The following GLI2 variants were observed in gnomAD, a reference collection of about 807,000 sequenced individuals.
The protein encoded by GLI2 is transcription activator GLI2.
In GLI2, 22 loss-of-function variants were observed where a neutral mutation model predicts 78.9. The observed-to-expected ratio is 0.28, with a 90% CI of 0.20 to 0.40. The LOEUF (loss-of-function observed/expected upper bound fraction) is 0.40, where lower values mean the gene tolerates loss of function less well. Among genes scored for constraint, GLI2 ranks in the 10% least tolerant of loss-of-function variants. The pLI is 1.00. For missense variants in GLI2, 2,097 were observed against 2,213.2 expected (o/e 0.95, Z 1.05); for synonymous variants, 974 against 963.7 (o/e 1.01, Z -0.20).
intron 2 of GLI2, among the ~76,000 whole-genome samples, chr2:120,921,989 T>C (rs80238770): frequency 0.011 from 1,715 of 152,304 alleles, 27 homozygotes; most frequent in African/African-American, 0.035. Context: ...CTCATCCATG[T>C]CTCCTCTGTT....
chr2:120,928,651 C>G (rs1679807277), intron 3 of GLI2, among the ~76,000 whole-genome samples: 2 of 152,244 alleles, frequency 1.3e-5, no homozygotes, highest in African/African-American at 2.4e-5. Flanking sequence ...GCTGGGCCCT[C>G]ACTGTGCTCA....
intron 2 of GLI2, among the ~76,000 whole-genome samples, chr2:120,840,252 C>T (rs962616519): frequency 1.3e-5 from 2 of 152,208 alleles, no homozygotes; most frequent in Non-Finnish European, 2.9e-5. Context: ...ATTCTCTCTT[C>T]CTGGAACTTT....
intron 2 of GLI2, among the ~76,000 whole-genome samples, chr2:120,852,711 T>C (rs1033878608): frequency 6.6e-6 from 1 of 152,200 alleles, no homozygotes; most frequent in Non-Finnish European, 1.5e-5. Context: ...GTTCATTCCT[T>C]TGGCTTGCAA....
intron 2 of GLI2, among the ~76,000 whole-genome samples, chr2:120,902,853 C>T (rs1678335575): frequency 6.6e-6 from 1 of 152,136 alleles, no homozygotes; most frequent in Non-Finnish European, 1.5e-5. Context: ...CTTTAGGCTC[C>T]CAAGGAGAAA....
chr2:120,801,443 C>A (rs1436226545), intron 2 of GLI2, among the ~76,000 whole-genome samples: 1 of 152,156 alleles, frequency 6.6e-6, no homozygotes, highest in Non-Finnish European at 1.5e-5. Flanking sequence ...GATTTCACTT[C>A]TGAGTTCTTT....
At chr2:120,898,889 A>T (rs1490272161) in intron 2 of GLI2, among the ~76,000 whole-genome samples, 1 of 152,178 alleles carries the variant, frequency 6.6e-6, no homozygotes, top group African/African-American at 2.4e-5. Context: ...AAATCTGTAC[A>T]TGGCTGCTGG....
chr2:120,754,745 G>T (rs149988631), intron 1 of GLI2, among the ~76,000 whole-genome samples: 28 of 152,276 alleles, frequency 1.8e-4, no homozygotes, highest in Non-Finnish European at 3.4e-4. Context: ...ATAAGTCATT[G>T]TATGCGCATG....
intron 2 of GLI2, among the ~76,000 whole-genome samples, chr2:120,826,316 G>A (rs542234878): frequency 1.1e-4 from 16 of 152,346 alleles, no homozygotes; most frequent in African/African-American, 2.4e-4. Flanking sequence ...CTGCCGTCCT[G>A]TTTACATTTA....
chr2:120,845,050 A>G (rs1687049213), intron 2 of GLI2, among the ~76,000 whole-genome samples: 1 of 152,110 alleles, frequency 6.6e-6, no homozygotes, highest in African/African-American at 2.4e-5. Flanking sequence ...AGGTGGGTGG[A>G]TCACTTGAGG....
At position 120,809,123 on chromosome 2, in the gene GLI2, A is replaced by G. The variant is rs59876643; in HGVS notation, c.148+11655A>G. On this transcript the variant is annotated intron_variant, in intron 2 of 13. Coordinates refer to ENST00000361492, the MANE Select transcript of GLI2 (RefSeq NM_001374353.1). ...CAAAATGGAAATGACCCAAGCATCCATCCGCTAATGAATGGATGAGCAGAA... is the reference window on the plus strand; with the variant it reads ...CAAAATGGAAATGACCCAAGCATCCGTCCGCTAATGAATGGATGAGCAGAA... Among the ~76,000 whole-genome samples, 56 of 152,380 alleles carry G rather than the reference A, an allele frequency of 3.7e-4. No individual in the cohort carries two copies. In the East Asian group the frequency reaches 0.011, roughly 29 times the overall value.
rs150040294 is a variant in GLI2, at chr2:120,760,301, C to T, written c.-31+24016C>T. Among the ~76,000 whole-genome samples, 592 of 152,236 alleles carry T rather than the reference C, an allele frequency of 3.9e-3. 4 individuals carry two copies. The highest frequency in any genetic ancestry group is 0.013 in the African/African-American group (551 of 41,550). Reference sequence around the variant, plus strand: ...ATAGGTCCTCCTAGGGATGCCAGGCCAGTGGAGTGGTCTTATGTGGGGGGT... The same window carrying T: ...ATAGGTCCTCCTAGGGATGCCAGGCTAGTGGAGTGGTCTTATGTGGGGGGT... On this transcript the variant is annotated intron_variant, in intron 1 of 13. Coordinates refer to ENST00000361492, the MANE Select transcript of GLI2 (RefSeq NM_001374353.1).
intron 2 of GLI2, among the ~76,000 whole-genome samples, chr2:120,834,405 C>G (rs1686509892): frequency 6.6e-6 from 1 of 152,188 alleles, no homozygotes; most frequent in African/African-American, 2.4e-5. Context: ...CGCTCTTTGT[C>G]TGAGACCTGG....
chr2:120,892,333 C>A (rs1384609689), intron 2 of GLI2, among the ~76,000 whole-genome samples: 1 of 152,184 alleles, frequency 6.6e-6, no homozygotes, highest in Non-Finnish European at 1.5e-5. Context: ...CGTGGTCATT[C>A]GGTGGTTGAT....
At chr2:120,795,248 T>G (rs1684333620) in intron 1 of GLI2, among the ~76,000 whole-genome samples, 1 of 149,606 alleles carries the variant, frequency 6.7e-6, no homozygotes, top group Admixed American at 6.7e-5. Context: ...TTGGCTGGGC[T>G]CGTTGGCTCA....
At chr2:120,913,360 C>G (rs1460162837) in intron 2 of GLI2, among the ~76,000 whole-genome samples, 1 of 152,156 alleles carries the variant, frequency 6.6e-6, no homozygotes, top group African/African-American at 2.4e-5. Flanking sequence ...TAACACATCT[C>G]ATTAACAATT....
chr2:120,970,066 G>A (rs920442886), intron 6 of GLI2, among the ~76,000 whole-genome samples: 3 of 152,204 alleles, frequency 2.0e-5, no homozygotes, highest in African/African-American at 7.2e-5. Flanking sequence ...CGTAGTCAGG[G>A]AGCAGCGATA....
chr2:120,959,891 G>C (rs1167557825), intron 5 of GLI2, among the ~76,000 whole-genome samples: 2 of 152,244 alleles, frequency 1.3e-5, no homozygotes, highest in African/African-American at 4.8e-5. Flanking sequence ...CAGGAGACCT[G>C]TGGAAGGGGC....
At chr2:120,762,825 A>T (rs147527698) in intron 1 of GLI2, among the ~76,000 whole-genome samples, 93 of 152,304 alleles carry the variant, frequency 6.1e-4, no homozygotes, top group Non-Finnish European at 1.1e-3. Flanking sequence ...GCACAGGGCT[A>T]AGGAGACACC....
At chr2:120,967,636 G>A (rs541382179) in intron 5 of GLI2, among the ~76,000 whole-genome samples, 1 of 152,362 alleles carries the variant, frequency 6.6e-6, no homozygotes, top group East Asian at 1.9e-4. Flanking sequence ...ATAGCCATGT[G>A]TCCACACATA....
Sources: gnomAD v4.1 joint callset for allele counts (sites outside exome capture counted in the v4.1 genomes callset) on GRCh38, gnomAD v4.1.1 for gene constraint, MANE v1.5 for transcripts, NCBI Gene and HGNC (gene_info 2026-07-23, HGNC 2026-07-21) for gene names.